The following NFKBID variants were observed in gnomAD, a reference collection of about 807,000 sequenced individuals.
NFKBID encodes NF-kappa-B inhibitor delta.
A neutral mutation model predicts 53.4 loss-of-function variants in NFKBID; 26 were observed. The ratio of observed to expected loss-of-function variants is 0.49; its 90% CI spans 0.36 to 0.68. The LOEUF is 0.68. Ranked by LOEUF, NFKBID falls within the 30% of genes least tolerant of loss-of-function variation. The pLI is 0.00. For synonymous variants in NFKBID, 262 were observed against 259.8 expected (o/e 1.01, Z -0.08); for missense variants, 493 against 614.1 (o/e 0.80, Z 2.08).
intron 9 of NFKBID, among the ~76,000 whole-genome samples, chr19:35,892,952 C>T (rs1242885407): frequency 6.6e-6 from 1 of 152,124 alleles, no homozygotes; most frequent in Non-Finnish European, 1.5e-5. Context: ...ATCACTTGGG[C>T]CCAGGAGTTC....
chr19:35,900,697 G>A (rs996715016), upstream of NFKBID: 13 of 1,184,496 alleles, frequency 1.1e-5, no homozygotes, highest in African/African-American at 2.0e-4. Flanking sequence ...GGACTACTCA[G>A]TCCCCCCGGG....
chr19:35,898,726 C>T (rs1457738056), exon 2 of NFKBID: 3 of 1,535,804 alleles, frequency 2.0e-6, no homozygotes, highest in Non-Finnish European at 2.6e-6. Context: ...CACCTGCACC[C>T]CGCCAGCGTC....
At position 35,888,285 on chromosome 19, in the gene NFKBID, G is replaced by C. The variant is rs573893096; in HGVS notation, c.*274C>G. ...ACCCGAAAGATCTCAGTGGGGAAAG[G>C]ACTAGGGGTGCAGGGTGTTTCACAG... On this transcript the variant is annotated 3_prime_UTR_variant, in exon 12 of 12. Transcript: ENST00000641389. 1.7e-4 allele frequency: 81 copies of C among 464,078 alleles called. 1 individual carries two copies. In the East Asian group the frequency reaches 3.3e-3, roughly 19 times the overall value. 28.7% of individuals were successfully genotyped at this position (464,078 alleles called of 1,614,324 possible).
chr19:35,890,571 C>CT, intron 9 of NFKBID, 81 bp from the exon 10 acceptor site: 1 of 957,272 alleles, frequency 1.0e-6, no homozygotes, highest in Non-Finnish European at 1.7e-6. Flanking sequence ...TCTTTAAAGA[C>CT]CCTGACCCTT....
upstream of NFKBID, chr19:35,901,948 A>G: frequency 1.8e-6 from 1 of 541,026 alleles, no homozygotes; most frequent in Admixed American, 3.4e-5. Context: ...TCCCCCATTC[A>G]GTGTGTGTTG....
rs1354346045 is a variant in NFKBID, at chr19:35,896,032, C to A, written c.980G>T (p.Arg327Met). Residue 327 changes from arginine (R) to methionine (M), a missense_variant, in exon 9 of 12, where the codon AGG (arginine) becomes ATG (methionine). Coordinates refer to ENST00000641389, the Ensembl canonical transcript of NFKBID. The surrounding 1 kb of genome is among the most constrained non-coding windows in gnomAD (Gnocchi z 5.7). Reference sequence around the variant, plus strand: ...CAGCAACATGTGGACACAATCCAGCCTGTCTCGGGCCTGTGTGCTCAGCAC... The same window carrying A: ...CAGCAACATGTGGACACAATCCAGCATGTCTCGGGCCTGTGTGCTCAGCAC... 2.5e-6 allele frequency: 4 copies of A among 1,614,232 alleles called. No homozygotes were observed. The highest frequency in any genetic ancestry group is 3.4e-6 in the Non-Finnish European group (4 of 1,180,030).
chr19:35,892,967 C>T (rs1247269980), intron 9 of NFKBID, among the ~76,000 whole-genome samples: 1 of 152,100 alleles, frequency 6.6e-6, no homozygotes, highest in African/African-American at 2.4e-5. Flanking sequence ...GAGTTCGAGA[C>T]CAGCCTGGGC....
chr19:35,889,244 T>G (rs1386198283), intron 11 of NFKBID, among the ~76,000 whole-genome samples: 1 of 147,008 alleles, frequency 6.8e-6, no homozygotes, highest in East Asian at 2.1e-4. Flanking sequence ...TAGTACCAGC[T>G]ACTGGAGAGG....
intron 4 of NFKBID, 69 bp downstream of exon 4, chr19:35,897,582 A>G (rs1975267788): frequency 1.0e-5 from 8 of 795,264 alleles, no homozygotes; most frequent in Non-Finnish European, 1.8e-5. Context: ...GACATCTCAG[A>G]ATACTGCAGG....
At chr19:35,900,525 C>A (rs1975503657) in exon 1 of NFKBID, 2 of 1,231,746 alleles carry the variant, frequency 1.6e-6, no homozygotes, top group East Asian at 6.3e-5. Flanking sequence ...CCCCGCGGAG[C>A]CGCCGCCGGG....
At chr19:35,897,080 A>G in intron 4 of NFKBID, 22 bp from the exon 5 acceptor site, 1 of 1,590,570 alleles carries the variant, frequency 6.3e-7, no homozygotes, top group Non-Finnish European at 8.5e-7. Flanking sequence ...AAGATCCTAC[A>G]TAGAACTGGG....
intron 4 of NFKBID, 38 bp from the exon 5 acceptor site, chr19:35,897,096 G>A (rs1487419742): frequency 1.3e-6 from 2 of 1,580,882 alleles, no homozygotes; most frequent in Admixed American, 4.1e-5. Context: ...CTGGGTGTCT[G>A]GGGGGTCCTG....
At chr19:35,899,795 A>T (rs1599629658) in intron 1 of NFKBID, 1 of 152,088 alleles carries the variant, frequency 6.6e-6, no homozygotes, top group Admixed American at 6.5e-5. Context: ...AACAGCCCCG[A>T]CGCGGCGCGC....
intron 4 of NFKBID, 48 bp downstream of exon 4, chr19:35,897,603 C>T (rs1975269872): frequency 5.2e-6 from 5 of 962,820 alleles, no homozygotes; most frequent in East Asian, 4.8e-5. Flanking sequence ...AGTGCAACTG[C>T]GAATTTTTAG....
At position 35,892,678 on chromosome 19, in the gene NFKBID, A is replaced by G. The variant is rs552079949; in HGVS notation, c.1033-2188T>C. 1.2e-4 allele frequency among the ~76,000 whole-genome samples: 18 copies of G among 152,268 alleles called. No homozygotes were observed. In the South Asian group the frequency reaches 3.7e-3, roughly 32 times the overall value. On this transcript the variant is annotated intron_variant, in intron 9 of 11. Coordinates refer to ENST00000641389, the Ensembl canonical transcript of NFKBID. ...CTCAACTTAAATGTAATTTCCTCAG[A>G]ATGACCTTCATTGTGAGCCCCGCAT...
chr19:35,898,894 G>T, intron 1 of NFKBID, 72 bp from the exon 2 acceptor site: 1 of 1,252,032 alleles, frequency 8.0e-7, no homozygotes, highest in Non-Finnish European at 1.1e-6. Context: ...GGTGGCGCGC[G>T]GGGAGTGGGT....
At chr19:35,900,403 C>G (rs1042644305) in intron 1 of NFKBID, 39 bp downstream of exon 1, 7 of 1,223,068 alleles carry the variant, frequency 5.7e-6, no homozygotes, top group Non-Finnish European at 6.1e-6. Flanking sequence ...GTCCCTCACT[C>G]TCTTAGGGGG....
chr19:35,888,415 TGCA>T, exon 12 of NFKBID: 1 of 657,148 alleles, frequency 1.5e-6, no homozygotes. Context: ...TTCACCCCTC[TGCA>T]GCCATTCTGG....
chr19:35,898,538 G>A lies in NFKBID; in HGVS notation c.166-6C>T. 2 of 1,529,402 alleles carry A rather than the reference G, an allele frequency of 1.3e-6. No homozygotes were observed. Among genetic ancestry groups the A allele is most frequent in the Non-Finnish European group, 1.7e-6 (2 of 1,144,608 alleles). 94.7% of individuals were successfully genotyped at this position (1,529,402 alleles called of 1,614,324 possible). A position where few individuals can be genotyped will look rare whatever the true frequency, so the allele number is the denominator to read the frequency against. ...GGGGGAGGGAGAAATTGTCCCTGTA[G>A]AGACAAAAGCAAAAAGGAACCCAGG... is the stretch of plus-strand genomic sequence containing the variant. On this transcript the variant is annotated splice_region_variant and splice_polypyrimidine_tract_variant and intron_variant, in intron 2 of 11. Transcript: ENST00000641389.
Sources: gnomAD v4.1 joint callset for allele counts (sites outside exome capture counted in the v4.1 genomes callset) on GRCh38, gnomAD v4.1.1 for gene constraint, Gnocchi (gnomAD v3.1) non-coding constraint, MANE v1.5 for transcripts, NCBI Gene and HGNC (gene_info 2026-07-23, HGNC 2026-07-21) for gene names.